The following CELF4 variants were observed in gnomAD, a reference collection of about 807,000 sequenced individuals.
CELF4 encodes CUG-BP- and ETR-3-like factor 4.
In CELF4, 18 loss-of-function variants were observed where a neutral mutation model predicts 59.9. The ratio of observed to expected loss-of-function variants is 0.30; its 90% confidence interval spans 0.21 to 0.45. CELF4 has a LOEUF of 0.45. Ranked by LOEUF, CELF4 falls within the 20% of genes least tolerant of loss-of-function variation. The pLI is 1.00. For synonymous variants in CELF4, 261 were observed against 267.1 expected (o/e 0.98, Z 0.22); for missense variants, 456 against 689.0 (o/e 0.66, Z 3.79).
At chr18:37,328,980 C>T (rs1044777837) in intron 2 of CELF4, among the ~76,000 whole-genome samples, 7 of 152,218 alleles carry the variant, frequency 4.6e-5, no homozygotes, top group Admixed American at 3.9e-4. Context: ...CTCAATTTGT[C>T]GTGGTATTTT....
At chr18:37,428,432 G>T (rs1340307143) in intron 2 of CELF4, among the ~76,000 whole-genome samples, 1 of 152,162 alleles carries the variant, frequency 6.6e-6, no homozygotes, top group Non-Finnish European at 1.5e-5. Context: ...AAGGAAGGAG[G>T]TGCTAAGCAG....
At chr18:37,456,210 C>T (rs1009747411) in intron 2 of CELF4, among the ~76,000 whole-genome samples, 23 of 152,126 alleles carry the variant, frequency 1.5e-4, no homozygotes, top group African/African-American at 5.6e-4. Flanking sequence ...CCAGGGCAGA[C>T]ACCCTGGTCT....
intron 1 of CELF4, among the ~76,000 whole-genome samples, chr18:37,539,017 C>G (rs943249439): frequency 3.3e-5 from 5 of 152,176 alleles, no homozygotes; most frequent in African/African-American, 1.2e-4. Flanking sequence ...CTGCTGCTCT[C>G]AGGAAGCAGT....
intron 2 of CELF4, among the ~76,000 whole-genome samples, chr18:37,345,959 C>T (rs983030670): frequency 5.9e-5 from 9 of 152,146 alleles, no homozygotes; most frequent in Admixed American, 5.2e-4. Flanking sequence ...AGTTCTGTCC[C>T]ATTTCCTGGA....
At chr18:37,457,992 G>A (rs145903012) in intron 2 of CELF4, among the ~76,000 whole-genome samples, 2 of 152,192 alleles carry the variant, frequency 1.3e-5, no homozygotes, top group South Asian at 2.1e-4. Flanking sequence ...CAGGCTGAGG[G>A]TGTTGGCAGA....
intron 2 of CELF4, among the ~76,000 whole-genome samples, chr18:37,362,707 T>C (rs1013857710): frequency 6.6e-6 from 1 of 152,042 alleles, no homozygotes; most frequent in Non-Finnish European, 1.5e-5. Context: ...CTCTGAACCT[T>C]CCTCCCCATC....
intron 2 of CELF4, among the ~76,000 whole-genome samples, chr18:37,368,216 C>G (rs2098812656): frequency 6.6e-6 from 1 of 152,126 alleles, no homozygotes; most frequent in African/African-American, 2.4e-5. Flanking sequence ...TGCCCCCCAG[C>G]CCAACTTTGT....
chr18:37,279,854 G>A (rs927048735), intron 3 of CELF4, among the ~76,000 whole-genome samples: 2 of 152,196 alleles, frequency 1.3e-5, no homozygotes, highest in Non-Finnish European at 2.9e-5. Flanking sequence ...GGAACCCCAG[G>A]ATGCACAGGA....
chr18:37,326,663 C>T (rs956839439), intron 2 of CELF4, among the ~76,000 whole-genome samples: 1 of 152,190 alleles, frequency 6.6e-6, no homozygotes, highest in Non-Finnish European at 1.5e-5. Flanking sequence ...CCTCCGGGGA[C>T]ATCACAAACC....
chr18:37,267,110 G>A (rs2078046421), intron 8 of CELF4, among the ~76,000 whole-genome samples: 1 of 152,224 alleles, frequency 6.6e-6, no homozygotes, highest in South Asian at 2.1e-4. Context: ...TGTCAGGGAA[G>A]CTGCACCAGG....
intron 11 of CELF4, among the ~76,000 whole-genome samples, chr18:37,257,520 G>C (rs1485915716): frequency 6.6e-6 from 1 of 152,194 alleles, no homozygotes; most frequent in African/African-American, 2.4e-5. Flanking sequence ...CAGCTCCAGA[G>C]GGGAAGGGAC....
chr18:37,397,518 C>A (rs1381356373), intron 2 of CELF4, among the ~76,000 whole-genome samples: 2 of 152,226 alleles, frequency 1.3e-5, no homozygotes, highest in South Asian at 4.1e-4. Context: ...GGTTGGGATC[C>A]CTAAACTGCA....
At chr18:37,557,600 A>G (rs2154606144) in intron 1 of CELF4, among the ~76,000 whole-genome samples, 1 of 152,352 alleles carries the variant, frequency 6.6e-6, no homozygotes, top group Middle Eastern at 3.4e-3. Flanking sequence ...AACAAAGGTG[A>G]TAATTAATTA....
intron 2 of CELF4, among the ~76,000 whole-genome samples, chr18:37,470,065 G>C (rs1173650468): frequency 6.6e-6 from 1 of 152,218 alleles, no homozygotes; most frequent in African/African-American, 2.4e-5. Flanking sequence ...GAAGTTCATT[G>C]CATCTGTTAG....
chr18:37,442,590 C>T lies in CELF4; in HGVS notation c.369+42935G>A, dbSNP rs142788211. On this transcript the variant is annotated intron_variant, in intron 2 of 12. Transcript: ENST00000420428. ...AGGGGGCTTGGCCCAAACAGCACAG[C>T]GAGCCCATGGGAAGTCCACATGGCG... 3.4e-3 allele frequency among the ~76,000 whole-genome samples: 513 copies of T among 152,244 alleles called. 1 individual carries two copies. Among genetic ancestry groups the T allele is most frequent in the Non-Finnish European group, 6.3e-3 (428 of 68,030 alleles).
chr18:37,487,757 G>A (rs1327711482), intron 1 of CELF4, among the ~76,000 whole-genome samples: 2 of 152,182 alleles, frequency 1.3e-5, no homozygotes, highest in African/African-American at 4.8e-5. Flanking sequence ...ATGAGGGGAG[G>A]GAGGAAGAGG....
At chr18:37,493,202 T>C (rs1216924725) in intron 1 of CELF4, among the ~76,000 whole-genome samples, 1 of 152,206 alleles carries the variant, frequency 6.6e-6, no homozygotes, top group Non-Finnish European at 1.5e-5. Context: ...CATCCTTTCC[T>C]CTGCTGCCTT....
chr18:37,404,518 C>T (rs2099361696), intron 2 of CELF4, among the ~76,000 whole-genome samples: 1 of 152,226 alleles, frequency 6.6e-6, no homozygotes, highest in Non-Finnish European at 1.5e-5. Context: ...GGGGCAAGTG[C>T]ACAGTTGGAT....
At chr18:37,367,958 G>C (rs1380896954) in intron 2 of CELF4, among the ~76,000 whole-genome samples, 1 of 152,056 alleles carries the variant, frequency 6.6e-6, no homozygotes, top group Non-Finnish European at 1.5e-5. Context: ...AGCAGAGTCA[G>C]GGGGAGGGTG....
Sources: allele counts gnomAD v4.1 joint callset (sites outside exome capture counted in the v4.1 genomes callset), GRCh38; gene constraint gnomAD v4.1.1; transcripts MANE v1.5; gene names NCBI Gene and HGNC (gene_info 2026-07-23, HGNC 2026-07-21).